Variants in RGS17 observed in about 807,000 individuals in gnomAD.
The protein encoded by RGS17 is regulator of G protein signaling 17.
A neutral mutation model predicts 25.5 loss-of-function variants in RGS17; 12 were observed. The observed-to-expected ratio is 0.47, with a 90% CI of 0.30 to 0.76. RGS17 has a LOEUF of 0.76. Among genes scored for constraint, RGS17 ranks in the 30% least tolerant of loss-of-function variants. The pLI, the probability that RGS17 is intolerant of heterozygous loss-of-function variation, is 0.07. For synonymous variants in RGS17, 71 were observed against 76.9 expected, an observed-to-expected ratio of 0.92 and a Z score of 0.40; for missense variants, 196 against 242.2, an observed-to-expected ratio of 0.81 and a Z score of 1.27.
chr6:153,047,541 A>G (rs1386104510), intron 1 of RGS17, among the ~76,000 whole-genome samples: 4 of 152,180 alleles, frequency 2.6e-5, no homozygotes, highest in Admixed American at 6.5e-5. Context: ...CCAAACCCCA[A>G]TTGTGATGGT....
intron 2 of RGS17, among the ~76,000 whole-genome samples, chr6:153,037,142 GTAC>G (rs1440141102): frequency 1.3e-5 from 2 of 150,412 alleles, no homozygotes. Flanking sequence ...CATTCCCTCT[GTAC>G]TACTAATTGG....
intron 1 of RGS17, among the ~76,000 whole-genome samples, chr6:153,125,362 T>C (rs1217708147): frequency 2.0e-5 from 3 of 152,246 alleles, no homozygotes; most frequent in Non-Finnish European, 4.4e-5. Flanking sequence ...CATGCTAGAA[T>C]ACTAAGTATA....
intron 2 of RGS17, among the ~76,000 whole-genome samples, chr6:153,040,557 T>C (rs1776308744): frequency 6.6e-6 from 1 of 152,114 alleles, no homozygotes; most frequent in South Asian, 2.1e-4. Context: ...TGACAACTGG[T>C]CCCATTCACG....
At chr6:153,120,600 C>T (rs1303961022) in intron 1 of RGS17, among the ~76,000 whole-genome samples, 2 of 152,170 alleles carry the variant, frequency 1.3e-5, no homozygotes, top group Non-Finnish European at 2.9e-5. Flanking sequence ...AAGCGCCTGT[C>T]CCATAGCACA....
At chr6:153,021,660 A>G (rs892747491) in intron 4 of RGS17, among the ~76,000 whole-genome samples, 1 of 152,206 alleles carries the variant, frequency 6.6e-6, no homozygotes, top group Non-Finnish European at 1.5e-5. Context: ...TAATTTCTAT[A>G]CCAAGAGTTA....
chr6:153,131,184 T>C lies in RGS17; in HGVS notation c.-86A>G, dbSNP rs1379075053. 6.6e-6 allele frequency: 1 copy of C among 151,552 alleles called. No homozygotes were observed. Among genetic ancestry groups the C allele is most frequent in the African/African-American group, 2.4e-5 (1 of 41,210 alleles). The allele number at this position is 151,552 out of a possible 1,614,324, so 9.4% of individuals were successfully genotyped here. A position where few individuals can be genotyped will look rare whatever the true frequency, so the allele number is the denominator to read the frequency against. On this transcript the variant is annotated 5_prime_UTR_variant, in exon 1 of 5. Transcript: ENST00000206262. ...GTCCGGGGGAGCGGGGCTGGGCGGCTCGGTCCTCTAGCGGAGCCGGTTTGC... is the reference window on the plus strand; with the variant it reads ...GTCCGGGGGAGCGGGGCTGGGCGGCCCGGTCCTCTAGCGGAGCCGGTTTGC...
At chr6:153,107,635 C>A (rs1777405187) in intron 1 of RGS17, among the ~76,000 whole-genome samples, 1 of 151,934 alleles carries the variant, frequency 6.6e-6, no homozygotes, top group African/African-American at 2.4e-5. Flanking sequence ...TTAACTCCAC[C>A]CAAACACACA....
intron 1 of RGS17, among the ~76,000 whole-genome samples, chr6:153,124,109 T>C (rs1241661142): frequency 4.6e-5 from 7 of 152,234 alleles, no homozygotes; most frequent in Admixed American, 1.3e-4. Flanking sequence ...TTGAGATCAA[T>C]TGGTCTATTG....
intron 1 of RGS17, among the ~76,000 whole-genome samples, chr6:153,056,838 CTGTGTGTGTGTGTGTGTGTGTGTGTGTG>C (rs59058708): frequency 1.4e-5 from 2 of 144,384 alleles, no homozygotes; most frequent in Admixed American, 6.9e-5. Flanking sequence ...AGAGGAAGGG[CTGTGTGTGTGTGTGTGTGTGTGTGTGTG>C]TGTGTGTGTG....
At chr6:153,039,473 C>T (rs1036888081) in intron 2 of RGS17, among the ~76,000 whole-genome samples, 2 of 152,036 alleles carry the variant, frequency 1.3e-5, no homozygotes, top group Admixed American at 6.6e-5. Flanking sequence ...CATGATGTGC[C>T]AAGCAGAGGG....
Position 153,024,463 on chromosome 6 carries a change from C to A in RGS17, c.243G>T (p.Trp81Cys). The change falls in exon 4 of 5, where the codon TGG becomes TGT. Residue 81 changes from tryptophan (W) to cysteine (C), a missense_variant. By Grantham distance (215) the Trp-to-Cys change is radical. Transcript: ENST00000206262. ...QNPTAEEVLSWSQNFDKMMKA... is the reference protein window; with the variant it reads ...QNPTAEEVLSCSQNFDKMMKA... ...TCATCATCTTGTCAAAATTTTGAGACCAGGACAAGACTTCCTCTGCAGTGG... is the reference window on the plus strand; with the variant it reads ...TCATCATCTTGTCAAAATTTTGAGAACAGGACAAGACTTCCTCTGCAGTGG... The A allele has an allele frequency of 6.2e-7, 1 of 1,614,092 alleles. No individual in the cohort carries two copies. Among genetic ancestry groups the A allele is most frequent in the Non-Finnish European group, 8.5e-7 (1 of 1,179,976 alleles).
intron 1 of RGS17, among the ~76,000 whole-genome samples, chr6:153,096,343 G>C (rs1472770406): frequency 6.6e-6 from 1 of 152,176 alleles, no homozygotes; most frequent in African/African-American, 2.4e-5. Context: ...GCCTCTCTGG[G>C]CTGTTTCCTC....
chr6:153,102,431 C>T (rs1777319344), intron 1 of RGS17, among the ~76,000 whole-genome samples: 1 of 152,160 alleles, frequency 6.6e-6, no homozygotes, highest in Non-Finnish European at 1.5e-5. Flanking sequence ...TATACTGGAA[C>T]TCTATATATT....
chr6:153,078,235 T>C (rs1379283581), intron 1 of RGS17, among the ~76,000 whole-genome samples: 1 of 152,192 alleles, frequency 6.6e-6, no homozygotes. Context: ...TGTGCTTCTA[T>C]TTCAAAATTG....
rs774780563 is a variant in RGS17 at position 153,024,394 on chromosome 6, T to C, written c.312A>G (p.Thr104=). 1 of 1,614,208 alleles carries C rather than the reference T, an allele frequency of 6.2e-7. No individual in the cohort carries two copies. The highest frequency in any genetic ancestry group is 8.5e-7 in the Non-Finnish European group (1 of 1,180,014). Residue 104 remains threonine, a synonymous_variant, in exon 4 of 5, where the codon ACA becomes ACG. Transcript: ENST00000206262. ...AAAGTAGGTTCTCTTCACTGTATTC[T>C]GTTCGGAGGAACTCTCTGAAAAGGT... ...GRNLFREFLR[T]EYSEENLLFW...
intron 1 of RGS17, among the ~76,000 whole-genome samples, chr6:153,119,955 G>C (rs925783195): frequency 1.3e-5 from 2 of 152,052 alleles, no homozygotes; most frequent in Non-Finnish European, 2.9e-5. Flanking sequence ...TATCTTCCAG[G>C]GAAACCACTG....
At chr6:153,082,503 TG>T (rs1226546996) in intron 1 of RGS17, among the ~76,000 whole-genome samples, 1 of 152,202 alleles carries the variant, frequency 6.6e-6, no homozygotes, top group African/African-American at 2.4e-5. Context: ...GCCCATCCAA[TG>T]GTTTTATTTG....
chr6:153,018,676 T>TA (rs1195167547), intron 4 of RGS17, among the ~76,000 whole-genome samples: 1 of 152,236 alleles, frequency 6.6e-6, no homozygotes, highest in African/African-American at 2.4e-5. Context: ...AATTTTTAGT[T>TA]ACTTATTTCA....
In RGS17 at chr6:153,029,613, C is replaced by T. The variant is rs6910413; in HGVS notation, c.120-3070G>A. Among the ~76,000 whole-genome samples the T allele has an allele frequency of 1.1e-3, 158 of 148,446 alleles. 1 individual carries two copies. Among genetic ancestry groups the T allele is most frequent in the African/African-American group, 3.7e-3 (148 of 40,114 alleles). On this transcript the variant is annotated intron_variant, in intron 2 of 4. Transcript: ENST00000206262. ...TTTCTTTTTCTTTTTTTTTTTAAGA[C>T]GGAGTGTTGCTCTGTTGCCCAGGCT...
Sources: gnomAD v4.1 joint callset for allele counts (sites outside exome capture counted in the v4.1 genomes callset) on GRCh38, gnomAD v4.1.1 for gene constraint, MANE v1.5 for transcripts, NCBI Gene and HGNC (gene_info 2026-07-23, HGNC 2026-07-21) for gene names.